The following RIN2 variants were observed in gnomAD, a reference collection of about 807,000 sequenced individuals.
RIN2 encodes the protein RAB5 interacting protein 2.
A neutral mutation model predicts 78.0 loss-of-function variants in RIN2; 36 were observed. The observed-to-expected ratio is 0.46, with a 90% CI of 0.35 to 0.61. RIN2 has a LOEUF of 0.61. Ranked by LOEUF, RIN2 falls within the 20% of genes least tolerant of loss-of-function variation. RIN2 has a pLI of 0.00. For synonymous variants in RIN2, 466 were observed against 466.8 expected, an observed-to-expected ratio of 1.00 and a Z score of 0.02; for missense variants, 1,087 against 1,159.7, an observed-to-expected ratio of 0.94 and a Z score of 0.91.
intron 2 of RIN2, among the ~76,000 whole-genome samples, chr20:19,800,653 C>A (rs1220845208): frequency 6.6e-6 from 1 of 152,198 alleles, no homozygotes. Flanking sequence ...CTGGCTCCAG[C>A]CCCCAGCCTT....
intron 1 of RIN2, among the ~76,000 whole-genome samples, chr20:19,764,420 C>T (rs568568255): frequency 6.6e-6 from 1 of 152,302 alleles, no homozygotes; most frequent in East Asian, 1.9e-4. Flanking sequence ...AGACCAGTCA[C>T]CTCGTCTATG....
intron 4 of RIN2, among the ~76,000 whole-genome samples, chr20:19,939,723 C>T (rs561885167): frequency 6.6e-6 from 1 of 152,318 alleles, no homozygotes; most frequent in East Asian, 1.9e-4. Context: ...CTGTCTGGCA[C>T]ATCCTTCCCC....
intron 2 of RIN2, among the ~76,000 whole-genome samples, chr20:19,868,091 G>A (rs1306527059): frequency 6.6e-6 from 1 of 152,206 alleles, no homozygotes; most frequent in Non-Finnish European, 1.5e-5. Context: ...CCCCAAGGAG[G>A]CCTGTGAGTG....
intron 2 of RIN2, among the ~76,000 whole-genome samples, chr20:19,883,489 A>G (rs1166863736): frequency 2.6e-5 from 4 of 151,952 alleles, no homozygotes; most frequent in Admixed American, 6.6e-5. Context: ...CTAGGCACTC[A>G]CCACCATGCC....
Position 19,971,735 on chromosome 20 carries a change from A to ATTTTTTTTTTTTTTTTT in RIN2, c.628+814_628+830dup, listed in dbSNP as rs61019165. Among the ~76,000 whole-genome samples the ATTTTTTTTTTTTTTTTT allele has an allele frequency of 6.8e-4, 62 of 91,528 alleles. 4 individuals are homozygous for ATTTTTTTTTTTTTTTTT. The highest frequency in any genetic ancestry group is 2.5e-3 in the African/African-American group (51 of 20,142). The allele number at this position is 91,528 out of a possible 152,430, so 60.0% of individuals were successfully genotyped here. ...TGAATTCCCTTCTGCTGAAACTGCA[A>ATTTTTTTTTTTTTTTTT]TTTTTTTTTTTTTTTTTTTTTTTTG... On this transcript the variant is annotated intron_variant, in intron 8 of 12. Coordinates refer to ENST00000255006, the MANE Select transcript of RIN2 (RefSeq NM_018993.4).
At chr20:19,822,450 C>T (rs1393194701) in intron 2 of RIN2, among the ~76,000 whole-genome samples, 1 of 152,108 alleles carries the variant, frequency 6.6e-6, no homozygotes, top group African/African-American at 2.4e-5. Context: ...GTAAGGAGCT[C>T]CAAAAGCCAC....
intron 1 of RIN2, among the ~76,000 whole-genome samples, chr20:19,794,862 A>G (rs2035004687): frequency 6.6e-6 from 1 of 152,212 alleles, no homozygotes; most frequent in South Asian, 2.1e-4. Flanking sequence ...AATTCTGATC[A>G]AGACAATCCC....
chr20:19,883,385 G>T (rs2038086609), intron 2 of RIN2, among the ~76,000 whole-genome samples: 2 of 148,250 alleles, frequency 1.3e-5, no homozygotes, highest in South Asian at 4.3e-4. Context: ...TGTTACCCAG[G>T]CTGGAGTGCA....
At chr20:19,956,278 GAAAAGA>G (rs1452816728) in intron 4 of RIN2, among the ~76,000 whole-genome samples, 1 of 131,208 alleles carries the variant, frequency 7.6e-6, no homozygotes, top group Non-Finnish European at 1.6e-5. Flanking sequence ...AAAAAAAAAA[GAAAAGA>G]AAAAGAAAAA....
intron 2 of RIN2, among the ~76,000 whole-genome samples, chr20:19,853,232 A>G (rs1342308041): frequency 1.3e-5 from 2 of 151,942 alleles, no homozygotes; most frequent in African/African-American, 2.4e-5. Context: ...TTATGGCTGC[A>G]TAGTATTCCA....
intron 2 of RIN2, among the ~76,000 whole-genome samples, chr20:19,881,643 CA>C (rs2038029877): frequency 6.6e-6 from 1 of 152,162 alleles, no homozygotes; most frequent in Admixed American, 6.5e-5. Flanking sequence ...GTGCTGCAAT[CA>C]GAGCTCACCA....
chr20:19,931,078 G>A (rs1311127619), intron 3 of RIN2, among the ~76,000 whole-genome samples: 7 of 152,044 alleles, frequency 4.6e-5, no homozygotes, highest in Non-Finnish European at 1.0e-4. Context: ...GTGAGAAAGT[G>A]TCTCTACAAA....
intron 2 of RIN2, among the ~76,000 whole-genome samples, chr20:19,804,139 G>A (rs531213820): frequency 1.8e-4 from 28 of 152,268 alleles, no homozygotes; most frequent in African/African-American, 6.7e-4. Flanking sequence ...CATGTCATCT[G>A]CAAACAAAGG....
intron 2 of RIN2, among the ~76,000 whole-genome samples, chr20:19,812,724 A>G (rs1022190619): frequency 6.6e-6 from 1 of 152,230 alleles, no homozygotes. Flanking sequence ...TAGCGTGGGC[A>G]TCCTCACTGA....
intron 2 of RIN2, among the ~76,000 whole-genome samples, chr20:19,826,034 G>A (rs1181747482): frequency 6.6e-6 from 1 of 152,048 alleles, no homozygotes; most frequent in Non-Finnish European, 1.5e-5. Context: ...TCAGTTTATA[G>A]CATAAAAGTA....
At chr20:19,758,884 T>A (rs1413460047) in intron 1 of RIN2, among the ~76,000 whole-genome samples, 4 of 152,126 alleles carry the variant, frequency 2.6e-5, no homozygotes, top group Non-Finnish European at 1.5e-5. Flanking sequence ...GACCGGAGAT[T>A]TCCTCCCCCG....
rs572919088 is a variant in RIN2, at chr20:19,942,239, C to T, written c.158+7040C>T. ...TTGTAAACAAGTGAGTATCATGTAA[C>T]GAAATGGGACATAATAGAATACGTC... On this transcript the variant is annotated intron_variant, in intron 4 of 12. Transcript: ENST00000255006. Among the ~76,000 whole-genome samples the T allele has an allele frequency of 9.9e-5, 15 of 151,990 alleles. No homozygotes were observed. The South Asian group carries it at 1.0e-3, about 11-fold the overall frequency.
chr20:19,823,988 G>A (rs6106139), intron 2 of RIN2: 33,642 of 1,218,542 alleles, frequency 0.028, 771 homozygotes, highest in African/African-American at 0.089. Context: ...CAGGACGACC[G>A]AAGAAAGTTG....
chr20:19,794,280 G>A (rs2034979850), intron 1 of RIN2, among the ~76,000 whole-genome samples: 1 of 152,182 alleles, frequency 6.6e-6, no homozygotes, highest in Non-Finnish European at 1.5e-5. Flanking sequence ...AGTGGGCTGG[G>A]TGCAGTAGCT....
Sources: gnomAD v4.1 joint callset for allele counts (sites outside exome capture counted in the v4.1 genomes callset) on GRCh38, gnomAD v4.1.1 for gene constraint, MANE v1.5 for transcripts, NCBI Gene and HGNC (gene_info 2026-07-23, HGNC 2026-07-21) for gene names.